IGFL2: variants seen among roughly 807,000 people sequenced by gnomAD.
IGFL2 encodes insulin growth factor-like family member 2.
In IGFL2, 7 loss-of-function variants were observed where a neutral mutation model predicts 13.9. The observed-to-expected ratio is 0.51, with a 90% CI of 0.29 to 0.95. The LOEUF (loss-of-function observed/expected upper bound fraction) is 0.95. Ranked by LOEUF, IGFL2 falls within the 40% of genes least tolerant of loss-of-function variation. IGFL2 has a pLI of 0.08. For synonymous variants in IGFL2, 55 were observed against 55.8 expected (o/e 0.99, Z 0.07); for missense variants, 138 against 147.8 (o/e 0.93, Z 0.34).
At chr19:46,119,700 C>G in the IGFL2 span, among the ~76,000 whole-genome samples, 2 of 145,802 alleles carry the variant, frequency 1.4e-5, no homozygotes, top group African/African-American at 5.1e-5. Flanking sequence ...TACTGCAGGT[C>G]AATTGGGATA....
At chr19:46,112,095 A>C in the IGFL2 span, 4 of 152,248 alleles carry the variant, frequency 2.6e-5, no homozygotes, top group Admixed American at 1.3e-4. Context: ...CCTTTTATGA[A>C]GAATTATCCC....
chr19:46,178,381 G>A, the IGFL2 span, among the ~76,000 whole-genome samples: 17 of 152,232 alleles, frequency 1.1e-4, no homozygotes, highest in East Asian at 3.1e-3. Flanking sequence ...ACTACAGATA[G>A]CCAGCCCTGA....
chr19:46,150,875 C>T (rs1428224418), intron 1 of IGFL2, among the ~76,000 whole-genome samples: 1 of 152,142 alleles, frequency 6.6e-6, no homozygotes, highest in East Asian at 1.9e-4. Flanking sequence ...CTGTGTTGCC[C>T]AGGCCGGTCT....
chr19:46,119,655 T>A, the IGFL2 span, among the ~76,000 whole-genome samples: 1 of 150,924 alleles, frequency 6.6e-6, no homozygotes, highest in Non-Finnish European at 1.5e-5. Flanking sequence ...CCACTGACCC[T>A]GAATACTGCC....
chr19:46,180,593 G>C, the IGFL2 span: 1 of 152,220 alleles, frequency 6.6e-6, no homozygotes, highest in Non-Finnish European at 1.5e-5. Flanking sequence ...TTATTAAGGA[G>C]AATTGACTCA....
chr19:46,124,102 T>C, the IGFL2 span: 3 of 1,611,288 alleles, frequency 1.9e-6, no homozygotes, highest in Admixed American at 5.0e-5. Context: ...GTAGATCTTG[T>C]TCCCACACCT....
downstream of IGFL2, among the ~76,000 whole-genome samples, chr19:46,162,809 T>G (rs1183578703): frequency 6.6e-6 from 1 of 152,244 alleles, no homozygotes; most frequent in Admixed American, 6.5e-5. Context: ...TTCAGCTAGT[T>G]CAGCATGGTT....
chr19:46,204,099 C>T, the IGFL2 span: 2 of 152,212 alleles, frequency 1.3e-5, no homozygotes, highest in African/African-American at 4.8e-5. Flanking sequence ...AGGTGGAAAT[C>T]ATACCCGGAT....
the IGFL2 span, among the ~76,000 whole-genome samples, chr19:46,171,428 A>G: frequency 1.3e-5 from 2 of 152,322 alleles, no homozygotes; most frequent in East Asian, 1.9e-4. Context: ...GCTCACTCAG[A>G]TGAGTTCGAA....
the IGFL2 span, among the ~76,000 whole-genome samples, chr19:46,186,452 A>G: frequency 6.6e-6 from 1 of 152,198 alleles, no homozygotes; most frequent in Non-Finnish European, 1.5e-5. Context: ...TGTTGACCCC[A>G]TGCTATTGTG....
the IGFL2 span, among the ~76,000 whole-genome samples, chr19:46,127,361 A>AGAAG: frequency 6.6e-6 from 1 of 152,214 alleles, no homozygotes; most frequent in African/African-American, 2.4e-5. Flanking sequence ...CAAAGAAAGA[A>AGAAG]GAAGGAAGGA....
chr19:46,185,196 G>A, the IGFL2 span, among the ~76,000 whole-genome samples: 1 of 152,122 alleles, frequency 6.6e-6, no homozygotes, highest in Non-Finnish European at 1.5e-5. Context: ...CCACTCTGTA[G>A]GTTGTCTGTT....
chr19:46,201,194 C>G, the IGFL2 span, among the ~76,000 whole-genome samples: 1 of 152,176 alleles, frequency 6.6e-6, no homozygotes, highest in Admixed American at 6.5e-5. Context: ...CAGACTCAAC[C>G]CTCCTCTCCA....
the IGFL2 span, among the ~76,000 whole-genome samples, chr19:46,092,049 C>T: frequency 6.5e-4 from 99 of 152,254 alleles, no homozygotes; most frequent in African/African-American, 2.2e-3. Context: ...ACATTTTTTA[C>T]GTTCAAACCT....
chr19:46,205,721 G>T, the IGFL2 span, among the ~76,000 whole-genome samples: 1 of 152,126 alleles, frequency 6.6e-6, no homozygotes, highest in Admixed American at 6.5e-5. Context: ...AATGAACCTT[G>T]TGTATTTACC....
At chr19:46,194,863 T>A in the IGFL2 span, among the ~76,000 whole-genome samples, 5,272 of 100,432 alleles carry the variant, frequency 0.052, 110 homozygotes, top group East Asian at 0.087. Context: ...TTTTTTTTTT[T>A]TTTTTTTTTT....
At chr19:46,113,477 C>A in the IGFL2 span, 2 of 378,182 alleles carry the variant, frequency 5.3e-6, no homozygotes, top group South Asian at 2.1e-5. Flanking sequence ...AGAAGATAAG[C>A]ATTGTGGAAG....
the IGFL2 span, chr19:46,212,122 C>T: frequency 1.3e-5 from 2 of 152,080 alleles, no homozygotes; most frequent in Non-Finnish European, 2.9e-5. Context: ...TCAGCACGTC[C>T]TAATCTGTGT....
the IGFL2 span, among the ~76,000 whole-genome samples, chr19:46,089,878 C>T: frequency 4.5e-4 from 68 of 151,986 alleles, no homozygotes; most frequent in African/African-American, 1.6e-3. Flanking sequence ...CTTCTTGTAC[C>T]TGGATATTTA....
Sources: gnomAD v4.1 joint callset for allele counts (sites outside exome capture counted in the v4.1 genomes callset) on GRCh38, gnomAD v4.1.1 for gene constraint, MANE v1.5 for transcripts, NCBI Gene and HGNC (gene_info 2026-07-23, HGNC 2026-07-21) for gene names.